Variants in B4GALT5 observed in about 807,000 individuals in gnomAD.
The protein encoded by B4GALT5 is UDP-Gal:beta-GlcNAc beta-1,4-galactosyltransferase 5.
B4GALT5 carries 11 observed loss-of-function variants against 45.0 expected under a neutral mutation model. The observed-to-expected ratio is 0.24, with a 90% CI of 0.15 to 0.40. The LOEUF is 0.40. B4GALT5 is among the 10% of genes least tolerant of loss of function. The pLI, the probability that B4GALT5 is intolerant of heterozygous loss-of-function variation, is 1.00. For missense variants in B4GALT5, 337 were observed against 500.2 expected (o/e 0.67, Z 3.11); for synonymous variants, 185 against 182.9 (o/e 1.01, Z -0.09).
chr20:49,667,189 C>A (rs2085694341), intron 1 of B4GALT5, among the ~76,000 whole-genome samples: 1 of 152,120 alleles, frequency 6.6e-6, no homozygotes, highest in Non-Finnish European at 1.5e-5. Context: ...ACTATGCTGC[C>A]CACACTTTGT....
intron 1 of B4GALT5, among the ~76,000 whole-genome samples, chr20:49,665,955 G>A (rs796661126): frequency 6.6e-6 from 1 of 151,988 alleles, no homozygotes; most frequent in African/African-American, 2.4e-5. Flanking sequence ...TAGAAAAATG[G>A]GGGGAGCAAG....
At chr20:49,643,325 G>A (rs565553966) in intron 4 of B4GALT5, among the ~76,000 whole-genome samples, 1 of 152,248 alleles carries the variant, frequency 6.6e-6, no homozygotes, top group South Asian at 2.1e-4. Context: ...GGTCTTGCTC[G>A]GTCATCAGAA....
At chr20:49,688,395 T>C (rs375949765) in intron 1 of B4GALT5, among the ~76,000 whole-genome samples, 2 of 152,288 alleles carry the variant, frequency 1.3e-5, no homozygotes, top group South Asian at 2.1e-4. Flanking sequence ...GCCCCAGTTC[T>C]TAGCCAGAAC....
chr20:49,709,760 C>A (rs1407857917), intron 1 of B4GALT5, among the ~76,000 whole-genome samples: 1 of 148,814 alleles, frequency 6.7e-6, no homozygotes, highest in African/African-American at 2.5e-5. Context: ...AAGAGCGAAA[C>A]TCCGTCTCAA....
chr20:49,656,555 A>C lies in B4GALT5; in HGVS notation c.250+13T>G, dbSNP rs1327779847. On this transcript the variant is annotated intron_variant, in intron 2 of 8. Transcript: ENST00000371711. ...GACATTCTAATCAGACCACCTCTTT[A>C]CTAAAAATATACCTGAGTCATTTAC... is the stretch of plus-strand genomic sequence containing the variant. 6.2e-7 allele frequency: 1 copy of C among 1,613,972 alleles called. No individual in the cohort carries two copies.
intron 2 of B4GALT5, among the ~76,000 whole-genome samples, chr20:49,651,053 G>A (rs115021222): frequency 0.012 from 1,848 of 152,288 alleles, 29 homozygotes; most frequent in African/African-American, 0.042. Context: ...GGAGGCCAAG[G>A]CGGATGGATC....
chr20:49,690,327 C>T (rs1056571496), intron 1 of B4GALT5, among the ~76,000 whole-genome samples: 30 of 152,032 alleles, frequency 2.0e-4, no homozygotes, highest in African/African-American at 6.8e-4. Flanking sequence ...TTTTAACCCA[C>T]GGCACTTTGA....
intron 1 of B4GALT5, among the ~76,000 whole-genome samples, chr20:49,662,732 TTC>T (rs533232732): frequency 5.3e-5 from 8 of 152,212 alleles, no homozygotes; most frequent in East Asian, 1.9e-4. Context: ...CCCCAAAATG[TTC>T]TGTTACTCTC....
rs2085544539 is a variant in B4GALT5 at position 49,634,926 on chromosome 20, T to C, written c.*1386A>G. The C allele has an allele frequency of 6.6e-6, 1 of 152,242 alleles. No individual in the cohort carries two copies. The highest frequency in any genetic ancestry group is 2.1e-4 in the South Asian group (1 of 4,830). 9.4% of individuals were successfully genotyped at this position (152,242 alleles called of 1,614,324 possible). On this transcript the variant is annotated 3_prime_UTR_variant, in exon 9 of 9. Transcript: ENST00000371711. The stretch of plus-strand genomic sequence containing the variant: ...CAGGTGGGGGTGTGAGCAGTGCACC[T>C]GGGCTCTTGCTGTCTGGAGCTTTGT...
chr20:49,713,681 G>A lies in B4GALT5; in HGVS notation c.10C>T (p.Arg4Cys). Residue 4 changes from arginine to cysteine, a missense_variant, in exon 1 of 9, where the codon CGC becomes TGC. By Grantham distance (180) the Arg-to-Cys change is radical. Coordinates refer to ENST00000371711, the MANE Select transcript of B4GALT5 (RefSeq NM_004776.4). Reference protein sequence around the residue: MRARRGLLRLPRRS... With the variant: MRACRGLLRLPRRS... ...CGCGGCAGCCGCAGCAGCCCCCGGC[G>A]GGCGCGCATGCTGCAGCCAGGCGGC... is the stretch of plus-strand genomic sequence containing the variant. 2 of 1,491,766 alleles carry A rather than the reference G, an allele frequency of 1.3e-6. No homozygotes were observed. The highest frequency in any genetic ancestry group is 1.8e-4 in the Middle Eastern group (1 of 5,504). The allele number at this position is 1,491,766 out of a possible 1,614,324, so 92.4% of individuals were successfully genotyped here.
intron 4 of B4GALT5, 143 bp downstream of exon 4, chr20:49,643,383 T>A (rs1448941093): frequency 2.7e-6 from 3 of 1,099,466 alleles, no homozygotes; most frequent in Non-Finnish European, 2.6e-6. Context: ...GGAAACCCAT[T>A]CCTCTAAAAT....
intron 1 of B4GALT5, among the ~76,000 whole-genome samples, chr20:49,685,154 C>G (rs1416706925): frequency 6.6e-6 from 1 of 152,156 alleles, no homozygotes; most frequent in Non-Finnish European, 1.5e-5. Context: ...CTTAAACACA[C>G]CACTCCGCAT....
chr20:49,674,208 C>T (rs1261331452), intron 1 of B4GALT5, among the ~76,000 whole-genome samples: 1 of 132,424 alleles, frequency 7.6e-6, no homozygotes. Context: ...CCAGCCTGGG[C>T]GACAGAGCAA....
intron 1 of B4GALT5, among the ~76,000 whole-genome samples, chr20:49,670,803 T>C (rs537088795): frequency 2.6e-5 from 4 of 152,154 alleles, no homozygotes; most frequent in Non-Finnish European, 5.9e-5. Context: ...TGGAAACAAA[T>C]TGATATAACC....
At chr20:49,686,080 T>C (rs2085784181) in intron 1 of B4GALT5, among the ~76,000 whole-genome samples, 2 of 152,334 alleles carry the variant, frequency 1.3e-5, no homozygotes, top group South Asian at 4.1e-4. Flanking sequence ...ACATTTGGCA[T>C]CAAAGCAGAA....
intron 2 of B4GALT5, among the ~76,000 whole-genome samples, chr20:49,651,580 C>T (rs141955418): frequency 0.02 from 2,991 of 151,738 alleles, 104 homozygotes; most frequent in African/African-American, 0.07. Flanking sequence ...CAGAGCGAGA[C>T]TCCGTCTCAA....
chr20:49,703,707 G>A (rs539001738), intron 1 of B4GALT5, among the ~76,000 whole-genome samples: 13 of 123,972 alleles, frequency 1.0e-4, no homozygotes, highest in African/African-American at 3.8e-4. Context: ...TGGCTAACAC[G>A]GCAAAGCCGC....
intron 1 of B4GALT5, among the ~76,000 whole-genome samples, chr20:49,661,652 T>G (rs2085665349): frequency 6.6e-6 from 1 of 152,240 alleles, no homozygotes; most frequent in Non-Finnish European, 1.5e-5. Flanking sequence ...TCCTCCAGTT[T>G]CAACGAGTCT....
At chr20:49,645,937 C>T (rs541540914) in intron 3 of B4GALT5, among the ~76,000 whole-genome samples, 6 of 151,660 alleles carry the variant, frequency 4.0e-5, no homozygotes, top group South Asian at 4.2e-4. Flanking sequence ...CACACTGCAG[C>T]GTGTTGCCCA....
Sources: allele counts gnomAD v4.1 joint callset (sites outside exome capture counted in the v4.1 genomes callset), GRCh38; gene constraint gnomAD v4.1.1; transcripts MANE v1.5; gene names NCBI Gene and HGNC (gene_info 2026-07-23, HGNC 2026-07-21).